The following POTEH variants were observed in gnomAD, a reference collection of about 807,000 sequenced individuals.
The protein encoded by POTEH is ANKRD26-like family C member 3.
A neutral mutation model predicts 41.7 loss-of-function variants in POTEH; 6 were observed. The ratio of observed to expected loss-of-function variants is 0.14; its 90% CI spans 0.08 to 0.28. POTEH has a LOEUF of 0.28. Ranked by LOEUF, POTEH falls within the 10% of genes least tolerant of loss-of-function variation. The pLI is 1.00. For synonymous variants in POTEH, 38 were observed against 179.9 expected, an observed-to-expected ratio of 0.21 and a Z score of 6.31; for missense variants, 115 against 533.5, an observed-to-expected ratio of 0.22 and a Z score of 7.73.
At chr22:15,714,372 G>T (rs1290346389) in intron 9 of POTEH, among the ~76,000 whole-genome samples, 2 of 152,154 alleles carry the variant, frequency 1.3e-5, no homozygotes, top group African/African-American at 4.8e-5. Flanking sequence ...CCCATTTCAC[G>T]CTAAGTATGT....
chr22:15,691,707 T>C lies in POTEH; in HGVS notation c.632+998T>C, dbSNP rs565919279. Among the ~76,000 whole-genome samples, 50 of 146,178 alleles carry C rather than the reference T, an allele frequency of 3.4e-4. 1 individual carries two copies. The East Asian group carries it at 7.7e-3, about 22-fold the overall frequency. ...TCCAGATGTCAAAATGTGCATGTTA[T>C]TTATTTCCACAAATTGTTTACTAAC... On this transcript the variant is annotated intron_variant, in intron 1 of 10. Coordinates refer to ENST00000343518, the MANE Select transcript of POTEH (RefSeq NM_001136213.1).
At chr22:15,708,244 G>A (rs1167275180) in intron 7 of POTEH, among the ~76,000 whole-genome samples, 154 bp downstream of exon 7, 1 of 57,988 alleles carries the variant, frequency 1.7e-5, no homozygotes, top group African/African-American at 6.9e-5. Context: ...TGGCTGGGGG[G>A]GTGGCTCATG....
intron 1 of POTEH, among the ~76,000 whole-genome samples, chr22:15,692,009 A>ATATATATATATATATAAATAAAAC (rs1421248855): frequency 1.6e-5 from 2 of 128,554 alleles, no homozygotes; most frequent in South Asian, 2.8e-4. Context: ...TATATATATA[A>ATATATATATATATATAAATAAAAC]ATTTCTTTTT....
At chr22:15,700,298 A>G in intron 5 of POTEH, 83 bp downstream of exon 5, 1 of 778,744 alleles carries the variant, frequency 1.3e-6, no homozygotes, top group Middle Eastern at 4.0e-4. Context: ...ATATCAGGTG[A>G]GATGTCATAG....
At chr22:15,705,336 C>T (rs1430614819) in intron 6 of POTEH, among the ~76,000 whole-genome samples, 10 of 32,846 alleles carry the variant, frequency 3.0e-4, no homozygotes, top group Non-Finnish European at 5.0e-4. Context: ...CTCAATTACT[C>T]GTTTTAATAT....
At chr22:15,713,261 T>A (rs1989856951) in intron 9 of POTEH, among the ~76,000 whole-genome samples, 2 of 152,290 alleles carry the variant, frequency 1.3e-5, no homozygotes, top group Non-Finnish European at 2.9e-5. Context: ...TTTCTGTAAA[T>A]AAATCTATGC....
intron 1 of POTEH, among the ~76,000 whole-genome samples, chr22:15,692,236 T>C (rs1247089267): frequency 7.1e-6 from 1 of 140,694 alleles, no homozygotes; most frequent in Non-Finnish European, 1.6e-5. Context: ...TGAACTCCTG[T>C]CCTCGTGATC....
At chr22:15,714,399 A>G (rs1205132665) in intron 9 of POTEH, among the ~76,000 whole-genome samples, 1 of 152,124 alleles carries the variant, frequency 6.6e-6, no homozygotes, top group African/African-American at 2.4e-5. Context: ...GTTCCTCCTA[A>G]TAACTAAAAG....
chr22:15,690,965 G>T (rs139793660), intron 1 of POTEH, among the ~76,000 whole-genome samples: 3 of 130,118 alleles, frequency 2.3e-5, no homozygotes. Flanking sequence ...GATTTAACTC[G>T]CAACGTTGTC....
chr22:15,692,692 T>C (rs1989351283), intron 1 of POTEH, among the ~76,000 whole-genome samples: 1 of 118,890 alleles, frequency 8.4e-6, no homozygotes, highest in Non-Finnish European at 1.9e-5. Context: ...GAGGTGGAGG[T>C]TGCAGTGAGC....
At chr22:15,710,455 A>G (rs1392054810) in intron 8 of POTEH, among the ~76,000 whole-genome samples, 1 of 151,982 alleles carries the variant, frequency 6.6e-6, no homozygotes, top group African/African-American at 2.4e-5. Context: ...TGACTGTTTA[A>G]TGTAAAATCT....
At chr22:15,691,705 T>G (rs1200823468) in intron 1 of POTEH, among the ~76,000 whole-genome samples, 1 of 146,134 alleles carries the variant, frequency 6.8e-6, no homozygotes, top group African/African-American at 2.5e-5. Flanking sequence ...ATGTGCATGT[T>G]ATTTATTTCC....
intron 1 of POTEH, among the ~76,000 whole-genome samples, chr22:15,691,525 CAAAA>C (rs1173004751): frequency 1.9e-4 from 17 of 88,026 alleles, no homozygotes; most frequent in East Asian, 1.8e-3. Context: ...GACTCCGTCT[CAAAA>C]AAAAAAAAAA....
In POTEH at chr22:15,690,030, G is replaced by A. The variant is rs1194358881; in HGVS notation, c.-48G>A. The A allele has an allele frequency of 1.4e-5, 20 of 1,395,942 alleles. 1 individual carries two copies. The highest frequency in any genetic ancestry group is 2.0e-5 in the Non-Finnish European group (20 of 1,007,004). 86.5% of individuals were successfully genotyped at this position (1,395,942 alleles called of 1,614,324 possible). A position where few individuals can be genotyped will look rare whatever the true frequency, so the allele number is the denominator to read the frequency against. On this transcript the variant is annotated 5_prime_UTR_variant, in exon 1 of 11. Coordinates refer to ENST00000343518, the MANE Select transcript of POTEH (RefSeq NM_001136213.1). The stretch of plus-strand genomic sequence containing the variant: ...TGCCAGTTGGTGAAACTGGTTGGTA[G>A]ACGCGATCTGCTGGCTACTACCGGC...
intron 9 of POTEH, among the ~76,000 whole-genome samples, chr22:15,714,493 T>A (rs1989891176): frequency 6.6e-6 from 1 of 152,040 alleles, no homozygotes; most frequent in Non-Finnish European, 1.5e-5. Context: ...ACACTGAACT[T>A]CTTGCTATTC....
At chr22:15,691,876 A>C (rs1214132684) in intron 1 of POTEH, among the ~76,000 whole-genome samples, 1 of 148,858 alleles carries the variant, frequency 6.7e-6, no homozygotes, top group Non-Finnish European at 1.5e-5. Context: ...GGAGAAAACT[A>C]GCTAGATGTT....
At chr22:15,697,504 T>G (rs753962736) in intron 3 of POTEH, 1 of 126,058 alleles carries the variant, frequency 7.9e-6, no homozygotes, top group African/African-American at 6.8e-5. Context: ...TTTCTTTTTA[T>G]TTTTATTTTT....
intron 1 of POTEH, among the ~76,000 whole-genome samples, chr22:15,693,042 C>T (rs112361699): frequency 7.9e-5 from 10 of 125,872 alleles, no homozygotes; most frequent in East Asian, 6.3e-4. Context: ...ATCCATAGGA[C>T]GGAATAATAT....
At chr22:15,703,513 A>G (rs1989603172) in intron 6 of POTEH, 1 of 115,042 alleles carries the variant, frequency 8.7e-6, no homozygotes, top group African/African-American at 3.3e-5. Flanking sequence ...CCTGCTGGTT[A>G]ATTGTCATGA....
Sources: allele counts gnomAD v4.1 joint callset (sites outside exome capture counted in the v4.1 genomes callset), GRCh38; gene constraint gnomAD v4.1.1; transcripts MANE v1.5; gene names NCBI Gene and HGNC (gene_info 2026-07-23, HGNC 2026-07-21).